Variants in NEK7 observed in about 807,000 individuals in gnomAD.
NEK7 encodes NIMA related kinase 7, also known as serine/threonine-protein kinase Nek7.
In NEK7, 18 loss-of-function variants were observed where a neutral mutation model predicts 44.6. The observed-to-expected ratio is 0.40, with a 90% CI of 0.28 to 0.60. The LOEUF (loss-of-function observed/expected upper bound fraction) is 0.60. NEK7 is among the 20% of genes least tolerant of loss of function. NEK7 has a pLI of 0.38. For synonymous variants in NEK7, 130 were observed against 121.1 expected (o/e 1.07, Z -0.48); for missense variants, 256 against 366.5 (o/e 0.70, Z 2.46).
chr1:198,314,604 G>A (rs1655291893), intron 9 of NEK7, among the ~76,000 whole-genome samples: 1 of 152,132 alleles, frequency 6.6e-6, no homozygotes, highest in Non-Finnish European at 1.5e-5. Context: ...TGTACAGGTG[G>A]GTTTTTGGTG....
intron 5 of NEK7, among the ~76,000 whole-genome samples, chr1:198,268,042 T>A (rs1427124116): frequency 3.9e-5 from 6 of 151,994 alleles, no homozygotes; most frequent in Non-Finnish European, 8.8e-5. Context: ...TCCCACAGTG[T>A]CTTGATTTTC....
chr1:198,191,823 G>A (rs919789017), intron 1 of NEK7, among the ~76,000 whole-genome samples: 5 of 151,958 alleles, frequency 3.3e-5, no homozygotes, highest in Non-Finnish European at 5.9e-5. Flanking sequence ...GTGTGTGTAC[G>A]TGTGTATGTA....
At chr1:198,306,074 G>A (rs559585861) in intron 9 of NEK7, among the ~76,000 whole-genome samples, 27 of 152,242 alleles carry the variant, frequency 1.8e-4, no homozygotes, top group African/African-American at 6.3e-4. Context: ...CCTTAGGAAT[G>A]TTACTACTCT....
At chr1:198,266,141 C>T (rs1242715759) in intron 5 of NEK7, among the ~76,000 whole-genome samples, 1 of 151,968 alleles carries the variant, frequency 6.6e-6, no homozygotes, top group Admixed American at 6.6e-5. Context: ...TATTTTATTA[C>T]TTTGTTAATA....
chr1:198,258,806 C>T (rs1653359960), intron 3 of NEK7, among the ~76,000 whole-genome samples: 1 of 152,066 alleles, frequency 6.6e-6, no homozygotes, highest in African/African-American at 2.4e-5. Context: ...GAAAATGATG[C>T]CTCCTAAAGA....
At chr1:198,264,267 G>T (rs772419293) in intron 5 of NEK7, 32 bp downstream of exon 5, 4 of 1,490,486 alleles carry the variant, frequency 2.7e-6, no homozygotes, top group South Asian at 1.2e-5. Context: ...TTAATGTTTT[G>T]TTTTGTTTTT....
intron 5 of NEK7, among the ~76,000 whole-genome samples, chr1:198,273,922 G>A (rs568200364): frequency 6.6e-5 from 10 of 151,692 alleles, no homozygotes; most frequent in African/African-American, 2.2e-4. Context: ...GTTTATAATA[G>A]AGTGAGGAAG....
intron 9 of NEK7, among the ~76,000 whole-genome samples, chr1:198,310,252 G>A (rs1655137342): frequency 6.6e-6 from 1 of 152,110 alleles, no homozygotes; most frequent in Admixed American, 6.5e-5. Flanking sequence ...CTTTTGAGAA[G>A]TGTCTGTTCA....
intron 2 of NEK7, among the ~76,000 whole-genome samples, chr1:198,243,559 G>T (rs746702126): frequency 2.0e-5 from 3 of 152,002 alleles, no homozygotes; most frequent in African/African-American, 7.3e-5. Context: ...AGTATTTTTG[G>T]TTACATCATT....
intron 7 of NEK7, among the ~76,000 whole-genome samples, chr1:198,283,110 G>A (rs557616156): frequency 2.0e-5 from 3 of 152,230 alleles, no homozygotes; most frequent in African/African-American, 7.2e-5. Context: ...GGTGGATACA[G>A]GATAAGCTCT....
chr1:198,218,977 CA>C (rs1666007209), intron 1 of NEK7, among the ~76,000 whole-genome samples: 1 of 151,762 alleles, frequency 6.6e-6, no homozygotes, highest in African/African-American at 2.4e-5. Context: ...AAAGTAGCAC[CA>C]CCTCTGTGGA....
At chr1:198,218,734 T>A in intron 1 of NEK7, among the ~76,000 whole-genome samples, 1 of 127,164 alleles carries the variant, frequency 7.9e-6, no homozygotes. Flanking sequence ...ATTAAAAGAT[T>A]GGCAAAAAAA....
rs1665295189 is a variant in NEK7, at chr1:198,198,024, C to T, written c.-28-34529C>T. The T allele has an allele frequency of 3.3e-6, 5 of 1,510,540 alleles. No individual in the cohort carries two copies. In the Admixed American group the frequency reaches 1.1e-4, roughly 33 times the overall value. 93.6% of individuals were successfully genotyped at this position (1,510,540 alleles called of 1,614,324 possible). ...CTGGCTGTGGCACAGGATGAGGGGGCCCACCTGGGGGGAAAGCTGGATTGC... is the reference window on the plus strand; with the variant it reads ...CTGGCTGTGGCACAGGATGAGGGGGTCCACCTGGGGGGAAAGCTGGATTGC... On this transcript the variant is annotated intron_variant, in intron 1 of 9. Coordinates refer to ENST00000367385, the MANE Select transcript of NEK7 (RefSeq NM_133494.3).
chr1:198,200,301 C>T lies in NEK7; in HGVS notation c.-28-32252C>T, dbSNP rs548673952. On this transcript the variant is annotated intron_variant, in intron 1 of 9. Coordinates refer to ENST00000367385, the MANE Select transcript of NEK7 (RefSeq NM_133494.3). ...TCATATATGGGCCTATTTCTGTTGT[C>T]CTCCTCCTTATTTTGGTTTCTGTAT... 2.0e-5 allele frequency among the ~76,000 whole-genome samples: 3 copies of T among 152,174 alleles called. No homozygotes were observed. The East Asian group carries it at 5.8e-4, about 29-fold the overall frequency.
At chr1:198,166,128 T>C (rs1664259878) in intron 1 of NEK7, among the ~76,000 whole-genome samples, 1 of 152,266 alleles carries the variant, frequency 6.6e-6, no homozygotes, top group Non-Finnish European at 1.5e-5. Flanking sequence ...TTTGATCTTC[T>C]ATCCAGACCG....
intron 1 of NEK7, among the ~76,000 whole-genome samples, chr1:198,173,430 TAA>T (rs77952432): frequency 2.6e-4 from 36 of 137,224 alleles, no homozygotes; most frequent in Non-Finnish European, 2.4e-4. Flanking sequence ...CTCTGTCTTT[TAA>T]AAAAAAAAAA....
intron 1 of NEK7, among the ~76,000 whole-genome samples, chr1:198,216,394 TG>T (rs1665921309): frequency 6.6e-6 from 1 of 151,952 alleles, no homozygotes. Flanking sequence ...ATGATAACAG[TG>T]GCACAAGTTA....
intron 7 of NEK7, among the ~76,000 whole-genome samples, chr1:198,284,212 T>C (rs1425030297): frequency 6.6e-6 from 1 of 152,196 alleles, no homozygotes; most frequent in East Asian, 1.9e-4. Flanking sequence ...TAGAAGATAG[T>C]GAATAGGTCT....
At chr1:198,197,777 A>G (rs564967471) in intron 1 of NEK7, 3 of 706,494 alleles carry the variant, frequency 4.2e-6, no homozygotes, top group South Asian at 1.4e-5. Context: ...CAGGGCCTGT[A>G]TTCAGTCAGA....
Sources: allele counts gnomAD v4.1 joint callset (sites outside exome capture counted in the v4.1 genomes callset), GRCh38; gene constraint gnomAD v4.1.1; transcripts MANE v1.5; gene names NCBI Gene and HGNC (gene_info 2026-07-23, HGNC 2026-07-21).